The following RIMS2 variants were observed in gnomAD, a reference collection of about 807,000 sequenced individuals.
The protein encoded by RIMS2 is regulating synaptic membrane exocytosis 2.
A neutral mutation model predicts 174.4 loss-of-function variants in RIMS2; 59 were observed. The ratio of observed to expected loss-of-function variants is 0.34; its 90% CI spans 0.27 to 0.42. The LOEUF (loss-of-function observed/expected upper bound fraction) is 0.42. RIMS2 is among the 10% of genes least tolerant of loss of function. The pLI is 1.00. For synonymous variants in RIMS2, 606 were observed against 572.5 expected (o/e 1.06, Z -0.84); for missense variants, 1,620 against 1,666.3 (o/e 0.97, Z 0.48).
At chr8:103,825,768 T>C (rs537851477) in intron 3 of RIMS2, among the ~76,000 whole-genome samples, 2 of 152,278 alleles carry the variant, frequency 1.3e-5, no homozygotes, top group African/African-American at 2.4e-5. Flanking sequence ...TTGTGGATCA[T>C]AGCGTGGGTG....
exon 3 of RIMS2, chr8:103,766,277 A>C: frequency 6.2e-7 from 1 of 1,613,660 alleles, no homozygotes; most frequent in Non-Finnish European, 8.5e-7. Flanking sequence ...TCCTCACTAA[A>C]TCAGGAGCAT....
intron 15 of RIMS2, among the ~76,000 whole-genome samples, chr8:103,961,702 C>A (rs577881421): frequency 6.6e-6 from 1 of 151,904 alleles, no homozygotes; most frequent in African/African-American, 2.4e-5. Flanking sequence ...CATGTAATAC[C>A]TTTAATATTG....
At chr8:104,043,405 G>A (rs572573316) in intron 19 of RIMS2, among the ~76,000 whole-genome samples, 276 of 151,638 alleles carry the variant, frequency 1.8e-3, no homozygotes, top group Non-Finnish European at 3.6e-3. Flanking sequence ...AGCACACTTC[G>A]GATGTAGTAA....
intron 4 of RIMS2, among the ~76,000 whole-genome samples, chr8:103,888,382 A>G (rs1189138126): frequency 6.6e-6 from 1 of 151,540 alleles, no homozygotes; most frequent in Non-Finnish European, 1.5e-5. Flanking sequence ...TTTATGGAGT[A>G]TATAGAGATT....
chr8:104,161,772 C>T (rs553524237), intron 19 of RIMS2, among the ~76,000 whole-genome samples: 3 of 152,318 alleles, frequency 2.0e-5, no homozygotes, highest in East Asian at 3.9e-4. Flanking sequence ...CATCCACGCT[C>T]GGATTTTATC....
At chr8:103,885,448 G>C (rs760862293) in exon 4 of RIMS2, 9 of 1,612,548 alleles carry the variant, frequency 5.6e-6, no homozygotes. Flanking sequence ...ATGAACCTCA[G>C]TTTTATGAAG....
At position 103,575,699 on chromosome 8, in the gene RIMS2, T is replaced by TATATAC. The variant is rs538739527; in HGVS notation, c.176+74638_176+74639insTATACA. 1.1e-3 allele frequency among the ~76,000 whole-genome samples: 160 copies of TATATAC among 149,444 alleles called. 1 individual carries two copies. Among genetic ancestry groups the TATATAC allele is most frequent in the African/African-American group, 1.6e-3 (65 of 40,976 alleles). ...ACACACACACACATATATATATATA[T>TATATAC]ACACATACAGCACTGAGATTATCAC... is the stretch of plus-strand genomic sequence containing the variant. On this transcript the variant is annotated intron_variant, in intron 1 of 23. Coordinates refer to ENST00000504942, the Ensembl canonical transcript of RIMS2.
At position 104,146,793 on chromosome 8, in the gene RIMS2, C is replaced by T. The variant is rs77778943; in HGVS notation, c.3335-98123C>T. Among the ~76,000 whole-genome samples, 655 of 152,248 alleles carry T rather than the reference C, an allele frequency of 4.3e-3. 5 individuals are homozygous for T. The highest frequency in any genetic ancestry group is 6.1e-3 in the Non-Finnish European group (413 of 68,024). On this transcript the variant is annotated intron_variant, in intron 19 of 23. Coordinates refer to ENST00000504942, the Ensembl canonical transcript of RIMS2. ...TCGGCTCACTGCAATCTCAACATCT[C>T]GGGCTCAGGTGATCCTCCTGTGCCT... is the stretch of plus-strand genomic sequence containing the variant.
chr8:103,887,538 C>T (rs935242629), intron 4 of RIMS2, among the ~76,000 whole-genome samples: 1 of 151,418 alleles, frequency 6.6e-6, no homozygotes, highest in African/African-American at 2.4e-5. Context: ...ACTTTTTTAA[C>T]ATTCTGGAAT....
At chr8:103,935,063 A>G (rs1056946106) in intron 12 of RIMS2, among the ~76,000 whole-genome samples, 3 of 152,206 alleles carry the variant, frequency 2.0e-5, no homozygotes, top group Non-Finnish European at 4.4e-5. Flanking sequence ...CCTTCGTGGA[A>G]GGAACTTTAT....
chr8:103,734,025 T>TTTTTTTTTTA (rs2097649351), intron 2 of RIMS2, among the ~76,000 whole-genome samples: 1 of 112,426 alleles, frequency 8.9e-6, no homozygotes, highest in African/African-American at 2.8e-5. Context: ...TTTTTTTTTT[T>TTTTTTTTTTA]TTTTTTTTTT....
At chr8:104,062,738 C>T (rs894595567) in intron 19 of RIMS2, among the ~76,000 whole-genome samples, 10 of 152,176 alleles carry the variant, frequency 6.6e-5, no homozygotes, top group African/African-American at 2.4e-4. Context: ...TGAGAGTCCA[C>T]AATTTGGCTT....
At chr8:104,013,594 C>A in exon 18 of RIMS2, 1 of 1,613,688 alleles carries the variant, frequency 6.2e-7, no homozygotes, top group East Asian at 2.2e-5. Context: ...ACTGGAAGAT[C>A]TGCCCCTCCT....
At chr8:103,702,984 TG>T (rs370433746) in intron 2 of RIMS2, among the ~76,000 whole-genome samples, 17,022 of 141,660 alleles carry the variant, frequency 0.12, 1,115 homozygotes, top group Middle Eastern at 0.21. Context: ...TTTGTGAGTT[TG>T]TTTTTTTTTT....
chr8:103,980,252 G>A (rs1353816361), intron 16 of RIMS2, among the ~76,000 whole-genome samples: 5 of 152,202 alleles, frequency 3.3e-5, no homozygotes, highest in Non-Finnish European at 7.3e-5. Flanking sequence ...CTCAGCCACA[G>A]TAGGAGAGAG....
chr8:104,086,036 G>A (rs374584861), intron 19 of RIMS2, among the ~76,000 whole-genome samples: 1 of 151,938 alleles, frequency 6.6e-6, no homozygotes, highest in East Asian at 1.9e-4. Context: ...GTTAAAAGAA[G>A]GCTAAAGATG....
intron 14 of RIMS2, among the ~76,000 whole-genome samples, chr8:103,948,166 T>C (rs2084303518): frequency 6.6e-6 from 1 of 152,140 alleles, no homozygotes. Context: ...AGAATGAATG[T>C]AATAAAAAAG....
At position 103,991,346 on chromosome 8, in the gene RIMS2, T is replaced by C. The variant is rs146466854; in HGVS notation, c.3044+1925T>C. Among the ~76,000 whole-genome samples the C allele has an allele frequency of 5.9e-5, 9 of 151,784 alleles. No homozygotes were observed. In the East Asian group the frequency reaches 1.7e-3, roughly 29 times the overall value. On this transcript the variant is annotated intron_variant, in intron 17 of 23. Transcript: ENST00000504942. ...AAATAGAATTTTATTTAAATAGAAA[T>C]ATAAAACCATTTCTAATATTATTTA...
chr8:104,215,528 A>C (rs544184412), intron 19 of RIMS2, among the ~76,000 whole-genome samples: 1 of 152,208 alleles, frequency 6.6e-6, no homozygotes, highest in Non-Finnish European at 1.5e-5. Context: ...AAGTTTTTAG[A>C]TCTTGCCATA....
Sources: allele counts gnomAD v4.1 joint callset (sites outside exome capture counted in the v4.1 genomes callset), GRCh38; gene constraint gnomAD v4.1.1; transcripts MANE v1.5; gene names NCBI Gene and HGNC (gene_info 2026-07-23, HGNC 2026-07-21).